SENP1: variants seen among roughly 807,000 people sequenced by gnomAD.
The protein encoded by SENP1 is SUMO specific peptidase 1.
Under a neutral mutation model 93.0 loss-of-function variants are expected in SENP1, and 21 were observed. That is an observed-to-expected ratio of 0.23 (90% CI 0.16 to 0.33). The LOEUF is 0.33. SENP1 is among the 10% of genes least tolerant of loss of function. The pLI is 1.00. For missense variants in SENP1, 591 were observed against 758.7 expected, an observed-to-expected ratio of 0.78 and a Z score of 2.60; for synonymous variants, 256 against 259.6, an observed-to-expected ratio of 0.99 and a Z score of 0.13.
chr12:48,058,454 C>T (rs57380031), intron 13 of SENP1, among the ~76,000 whole-genome samples: 34,391 of 151,822 alleles, frequency 0.23, 4,576 homozygotes, highest in East Asian at 0.55. Context: ...TTTAAAGCTC[C>T]ATTTTGCCTC....
chr12:48,075,984 C>T (rs2137056801), intron 6 of SENP1, among the ~76,000 whole-genome samples: 1 of 152,162 alleles, frequency 6.6e-6, no homozygotes, highest in Non-Finnish European at 1.5e-5. Flanking sequence ...TAATGCGTTC[C>T]AAAAATAGTA....
chr12:48,078,317 T>TTATATATATATATATATATATATATG (rs370021236), intron 6 of SENP1, among the ~76,000 whole-genome samples: 1 of 70,742 alleles, frequency 1.4e-5, no homozygotes, highest in Non-Finnish European at 2.8e-5. Flanking sequence ...CTGTAGGATT[T>TTATATATATATATATATATATATATG]TATATATATA....
At chr12:48,049,981 TG>T (rs1275832674) in intron 13 of SENP1, among the ~76,000 whole-genome samples, 1 of 152,170 alleles carries the variant, frequency 6.6e-6, no homozygotes, top group Non-Finnish European at 1.5e-5. Flanking sequence ...GGGAGATGTG[TG>T]ATTCTTTGTT....
intron 13 of SENP1, among the ~76,000 whole-genome samples, chr12:48,061,122 T>C (rs1942931896): frequency 6.6e-6 from 1 of 152,226 alleles, no homozygotes; most frequent in African/African-American, 2.4e-5. Flanking sequence ...ATTTCTGGAT[T>C]TTATTTTCCT....
In SENP1 at chr12:48,063,839, T is replaced by C; in HGVS notation, c.1278A>G (p.Glu426=). The change falls in exon 13 of 18, where the codon GAA becomes GAG. Residue 426 remains glutamate, a splice_region_variant and synonymous_variant. Transcript: ENST00000549518. ...SEDEFPEITE[E]MEKEIKNVFR... ...ATACATTCTTTATTTCTTTCTCCAT[T>C]TCCTAAGAAAACAAAAGGTGTCAAG... 3.7e-6 allele frequency: 6 copies of C among 1,608,186 alleles called. No homozygotes were observed. The highest frequency in any genetic ancestry group is 5.1e-6 in the Non-Finnish European group (6 of 1,178,140).
intron 6 of SENP1, among the ~76,000 whole-genome samples, chr12:48,079,716 C>T (rs937180836): frequency 1.3e-5 from 2 of 151,708 alleles, no homozygotes; most frequent in Non-Finnish European, 2.9e-5. Context: ...AAGGCTCCAT[C>T]ATAAAAGAAC....
rs1444182558 is a variant in SENP1, at chr12:48,085,569, C to T, written c.381-1807G>A. On this transcript the variant is annotated intron_variant, in intron 5 of 17. Coordinates refer to ENST00000549518, the MANE Select transcript of SENP1 (RefSeq NM_001267594.2). The stretch of plus-strand genomic sequence containing the variant: ...CACTCCATTAAGAGGCTAGGTGAGG[C>T]GCTTCTAGGTTGCTGGGGCTCTGCT... The T allele has an allele frequency of 1.5e-5, 7 of 460,926 alleles. No individual in the cohort carries two copies. The East Asian group carries it at 1.8e-4, about 12-fold the overall frequency. The allele number at this position is 460,926 out of a possible 1,614,324, so 28.6% of individuals were successfully genotyped here.
At chr12:48,062,658 G>T (rs1210112467) in intron 13 of SENP1, among the ~76,000 whole-genome samples, 4 of 152,192 alleles carry the variant, frequency 2.6e-5, no homozygotes, top group African/African-American at 4.8e-5. Context: ...AAGACCCAAT[G>T]CTTGGGTCTT....
At chr12:48,104,968 T>A (rs745939369) in intron 1 of SENP1, among the ~76,000 whole-genome samples, 1 of 152,218 alleles carries the variant, frequency 6.6e-6, no homozygotes, top group Admixed American at 6.5e-5. Flanking sequence ...ATCATGCTTA[T>A]AGAGATGCTT....
chr12:48,094,275 G>A lies in SENP1; in HGVS notation c.220+2068C>T, dbSNP rs368893223. 5.3e-5 allele frequency among the ~76,000 whole-genome samples: 8 copies of A among 152,204 alleles called. 1 individual carries two copies. In the East Asian group the frequency reaches 1.2e-3, roughly 22 times the overall value. On this transcript the variant is annotated intron_variant, in intron 4 of 17. Coordinates refer to ENST00000549518, the MANE Select transcript of SENP1 (RefSeq NM_001267594.2). Reference sequence around the variant, plus strand: ...TGTACCTGTAGTCCCAACTACTCGGGAGACTGAAGCAGGAGAATCGCATGA... The same window carrying A: ...TGTACCTGTAGTCCCAACTACTCGGAAGACTGAAGCAGGAGAATCGCATGA...
At chr12:48,066,287 T>G (rs1194231549) in intron 10 of SENP1, among the ~76,000 whole-genome samples, 1 of 152,140 alleles carries the variant, frequency 6.6e-6, no homozygotes, top group Non-Finnish European at 1.5e-5. Flanking sequence ...GACTAAATGC[T>G]TTCAGTGATT....
At chr12:48,082,436 A>T (rs1372951202) in intron 6 of SENP1, among the ~76,000 whole-genome samples, 3 of 152,202 alleles carry the variant, frequency 2.0e-5, no homozygotes, top group African/African-American at 7.2e-5. Flanking sequence ...GCCATTTACT[A>T]GTCATGTGAC....
intron 13 of SENP1, among the ~76,000 whole-genome samples, chr12:48,055,901 AT>A (rs1450946566): frequency 3.6e-5 from 5 of 140,166 alleles, no homozygotes; most frequent in Non-Finnish European, 7.6e-5. Flanking sequence ...ATATAAAAAT[AT>A]TAATATATTT....
intron 13 of SENP1, among the ~76,000 whole-genome samples, chr12:48,063,191 T>C (rs577842512): frequency 5.5e-4 from 83 of 152,196 alleles, no homozygotes; most frequent in Non-Finnish European, 8.7e-4. Flanking sequence ...CCTCAAATAT[T>C]TAATAATAAT....
chr12:48,047,858 T>C (rs145198282), intron 15 of SENP1, 143 bp downstream of exon 15: 58 of 608,790 alleles, frequency 9.5e-5, no homozygotes, highest in African/African-American at 8.4e-4. Flanking sequence ...CTAAACTTAC[T>C]TAGATACAAA....
intron 4 of SENP1, among the ~76,000 whole-genome samples, chr12:48,092,963 G>A (rs1945307870): frequency 6.6e-6 from 1 of 152,168 alleles, no homozygotes. Context: ...AACAATAGCT[G>A]AAAATGGTAA....
intron 3 of SENP1, among the ~76,000 whole-genome samples, chr12:48,096,712 T>A (rs1945587475): frequency 6.6e-6 from 1 of 152,166 alleles, no homozygotes; most frequent in Non-Finnish European, 1.5e-5. Context: ...CACCTCGGCC[T>A]CCCAAAATGC....
chr12:48,101,117 C>A (rs567827675), intron 2 of SENP1, among the ~76,000 whole-genome samples: 9 of 152,248 alleles, frequency 5.9e-5, no homozygotes, highest in Admixed American at 5.9e-4. Context: ...GAAACCCCGT[C>A]TCTACTAAAA....
chr12:48,045,726 T>G (rs1941317797), intron 17 of SENP1, among the ~76,000 whole-genome samples: 1 of 152,142 alleles, frequency 6.6e-6, no homozygotes, highest in Admixed American at 6.6e-5. Context: ...AAAATTCACC[T>G]TTTAGAAGAA....
Sources: allele counts gnomAD v4.1 joint callset (sites outside exome capture counted in the v4.1 genomes callset), GRCh38; gene constraint gnomAD v4.1.1; transcripts MANE v1.5; gene names NCBI Gene and HGNC (gene_info 2026-07-23, HGNC 2026-07-21).